PRSS23: variants seen among roughly 807,000 people sequenced by gnomAD.
PRSS23 encodes the protein protease, serine 23.
In PRSS23, 25 loss-of-function variants were observed where a neutral mutation model predicts 34.7. The observed-to-expected ratio is 0.72, with a 90% CI of 0.53 to 1.01. The LOEUF is 1.01. PRSS23 is among the 50% of genes least tolerant of loss of function. PRSS23 has a pLI of 0.00. For missense variants in PRSS23, 445 were observed against 475.6 expected, an observed-to-expected ratio of 0.94 and a Z score of 0.60; for synonymous variants, 176 against 186.6, an observed-to-expected ratio of 0.94 and a Z score of 0.46.
At chr11:86,898,621 TC>T (rs1476646534) in intron 2 of PRSS23, among the ~76,000 whole-genome samples, 6 of 152,226 alleles carry the variant, frequency 3.9e-5, no homozygotes, top group African/African-American at 1.4e-4. Context: ...TGGGTCCCTG[TC>T]CTTGGGACAT....
chr11:86,948,007 C>A (rs1421197441), intron 2 of PRSS23: 1 of 152,244 alleles, frequency 6.6e-6, no homozygotes, highest in East Asian at 1.9e-4. Context: ...GAATTGCCGG[C>A]AAAGCCAAAG....
chr11:86,879,932 C>G (rs1382897128), intron 2 of PRSS23, among the ~76,000 whole-genome samples: 1 of 150,224 alleles, frequency 6.7e-6, no homozygotes, highest in Admixed American at 6.7e-5. Flanking sequence ...GCCACCACCC[C>G]GTCTGGGAGG....
At chr11:86,888,220 C>G (rs1462748950) in intron 2 of PRSS23, among the ~76,000 whole-genome samples, 2 of 151,266 alleles carry the variant, frequency 1.3e-5, no homozygotes, top group African/African-American at 4.9e-5. Context: ...AACATTTGAA[C>G]AGGACCTTGA....
chr11:86,946,959 A>G (rs1267088121), intron 2 of PRSS23: 1 of 152,330 alleles, frequency 6.6e-6, no homozygotes, highest in Non-Finnish European at 1.5e-5. Context: ...TAATCCCAGC[A>G]CTTTGGGAGG....
At chr11:86,824,330 A>AAAAATAAAAATAAAATAAAATAAAAT (rs1555071045) in intron 2 of PRSS23, among the ~76,000 whole-genome samples, 2 of 133,150 alleles carry the variant, frequency 1.5e-5, no homozygotes, top group Non-Finnish European at 3.1e-5. Flanking sequence ...AAATAAAAAT[A>AAAAATAAAAATAAAATAAAATAAAAT]AAAATAAAAT....
chr11:86,877,365 G>A (rs1451949419), intron 2 of PRSS23, among the ~76,000 whole-genome samples: 2 of 152,128 alleles, frequency 1.3e-5, no homozygotes, highest in Non-Finnish European at 2.9e-5. Flanking sequence ...CTTCTTACAC[G>A]GTTCCCGTTC....
intron 1 of PRSS23, among the ~76,000 whole-genome samples, chr11:86,817,828 G>A (rs1412902517): frequency 6.6e-6 from 1 of 152,202 alleles, no homozygotes; most frequent in Non-Finnish European, 1.5e-5. Context: ...AACCTATGAA[G>A]TAGGCATTGA....
intron 2 of PRSS23, among the ~76,000 whole-genome samples, chr11:86,868,285 G>T (rs143681371): frequency 1.3e-5 from 2 of 152,160 alleles, no homozygotes; most frequent in African/African-American, 2.4e-5. Context: ...TGGGTTCCTT[G>T]AGTGAGAAAG....
chr11:86,941,303 A>G (rs2135027116), intron 2 of PRSS23, among the ~76,000 whole-genome samples: 1 of 152,338 alleles, frequency 6.6e-6, no homozygotes, highest in East Asian at 1.9e-4. Context: ...GGAAGAAATT[A>G]CATAGTAAGT....
At chr11:86,929,494 T>A (rs1949109274) in intron 2 of PRSS23, among the ~76,000 whole-genome samples, 1 of 151,312 alleles carries the variant, frequency 6.6e-6, no homozygotes, top group African/African-American at 2.4e-5. Context: ...AATACAAAAA[T>A]TAACCATGCA....
At chr11:86,886,807 T>TG (rs1466392205) in intron 2 of PRSS23, among the ~76,000 whole-genome samples, 4 of 151,882 alleles carry the variant, frequency 2.6e-5, no homozygotes, top group African/African-American at 9.7e-5. Flanking sequence ...GGCATGGTGG[T>TG]GGGCACCTGT....
chr11:86,839,014 A>G (rs752785503), intron 2 of PRSS23, among the ~76,000 whole-genome samples: 2 of 152,052 alleles, frequency 1.3e-5, no homozygotes, highest in African/African-American at 2.4e-5. Context: ...GGTAGATAAA[A>G]CCACAAAGAT....
chr11:86,873,221 TATGTATATATATATAC>T (rs1325049524), intron 2 of PRSS23, among the ~76,000 whole-genome samples: 1 of 103,972 alleles, frequency 9.6e-6, no homozygotes, highest in Non-Finnish European at 1.8e-5. Context: ...CACACAGATA[TATGTATATATATATAC>T]ACACACACAC....
At chr11:86,805,065 C>T (rs1187178152) in intron 1 of PRSS23, among the ~76,000 whole-genome samples, 1 of 152,072 alleles carries the variant, frequency 6.6e-6, no homozygotes, top group Non-Finnish European at 1.5e-5. Flanking sequence ...ATTAACATTC[C>T]CCACATTACT....
At chr11:86,934,353 A>G (rs1408034685) in intron 2 of PRSS23, 2 of 150,262 alleles carry the variant, frequency 1.3e-5, no homozygotes, top group East Asian at 2.0e-4. Context: ...TCTCTTTCCA[A>G]ACATATTCCA....
chr11:86,887,190 A>G (rs1428042941), intron 2 of PRSS23, among the ~76,000 whole-genome samples: 1 of 152,138 alleles, frequency 6.6e-6, no homozygotes, highest in African/African-American at 2.4e-5. Flanking sequence ...TTATTACACA[A>G]TCCTGGCTTC....
In PRSS23 at chr11:86,832,993, T is replaced by C. The variant is rs569946424; in HGVS notation, c.206+9400T>C. 11 of 410,852 alleles carry C rather than the reference T, an allele frequency of 2.7e-5. No individual in the cohort carries two copies. The Admixed American group carries it at 3.9e-4, about 15-fold the overall frequency. 25.5% of individuals were successfully genotyped at this position (410,852 alleles called of 1,614,324 possible). ...CAATCAAATTGTGCAGCTGGGAGTCTAAAAGACTGAGAAAAAAAAAAACAC... is the reference window on the plus strand; with the variant it reads ...CAATCAAATTGTGCAGCTGGGAGTCCAAAAGACTGAGAAAAAAAAAAACAC... On this transcript the variant is annotated intron_variant, in intron 2 of 2. Coordinates refer to the PRSS23 transcript ENST00000533902.
At chr11:86,798,673 A>G (rs1218502067), upstream of PRSS23, among the ~76,000 whole-genome samples, 1 of 152,190 alleles carries the variant, frequency 6.6e-6, no homozygotes, top group African/African-American at 2.4e-5. Context: ...CAAAAGCTGT[A>G]ACATAAGTTT....
intron 2 of PRSS23, among the ~76,000 whole-genome samples, chr11:86,825,008 C>G (rs1948287902): frequency 6.6e-6 from 1 of 152,054 alleles, no homozygotes; most frequent in Non-Finnish European, 1.5e-5. Context: ...AATGGGATGG[C>G]TGGGTCAAAT....
Sources: gnomAD v4.1 joint callset for allele counts (sites outside exome capture counted in the v4.1 genomes callset) on GRCh38, gnomAD v4.1.1 for gene constraint, MANE v1.5 for transcripts, NCBI Gene and HGNC (gene_info 2026-07-23, HGNC 2026-07-21) for gene names.